Variants in B4GALT1 observed in about 807,000 individuals in gnomAD.
The protein encoded by B4GALT1 is N-acetyllactosamine synthase.
B4GALT1 carries 16 observed loss-of-function variants against 34.9 expected under a neutral mutation model. That is an observed-to-expected ratio of 0.46 (90% CI 0.31 to 0.70). The LOEUF (loss-of-function observed/expected upper bound fraction) is 0.70. B4GALT1 is among the 30% of genes least tolerant of loss of function. The probability of loss-of-function intolerance (pLI) is 0.05; values close to 1 mark genes in which losing one functional copy is unlikely to be tolerated. For missense variants in B4GALT1, 445 were observed against 530.5 expected (o/e 0.84, Z 1.58); for synonymous variants, 221 against 218.1 (o/e 1.01, Z -0.12).
At position 33,120,600 on chromosome 9, in the gene B4GALT1, C is replaced by G; in HGVS notation, c.655G>C (p.Asp219His). The change falls in exon 3 of 6, where the codon GAC (aspartate) becomes CAC (histidine). Residue 219 changes from aspartate (D) to histidine (H), a missense_variant. Asp to His is a moderately conservative substitution (Grantham distance 81, BLOSUM62 -1). Coordinates refer to ENST00000379731, the MANE Select transcript of B4GALT1 (RefSeq NM_001497.4). ...YGIYVINQAG[D>H]TIFNRAKLLN... ...AGCTTAGCACGATTGAATATAGTGT[C>G]TCCCGCCTGGTGCAGAAACAAAAAC... 3 of 1,614,180 alleles carry G rather than the reference C, an allele frequency of 1.9e-6. No individual in the cohort carries two copies. Among genetic ancestry groups the G allele is most frequent in the African/African-American group, 1.3e-5 (1 of 75,050 alleles).
chr9:33,184,553 G>A, the B4GALT1 span, among the ~76,000 whole-genome samples: 1 of 152,172 alleles, frequency 6.6e-6, no homozygotes, highest in Non-Finnish European at 1.5e-5. Context: ...AGTCTAATAG[G>A]AGAGAAAAGA....
chr9:33,120,411 T>C lies in B4GALT1; in HGVS notation c.836+8A>G. On this transcript the variant is annotated splice_region_variant and intron_variant, in intron 3 of 5. Transcript: ENST00000379731. ...GTTTACCACAGATTCTGACTGAGTA[T>C]CTCTTACCTGAATCCAAACTTATCC... is the stretch of plus-strand genomic sequence containing the variant. 2 of 1,612,544 alleles carry C rather than the reference T, an allele frequency of 1.2e-6. No individual in the cohort carries two copies. Among genetic ancestry groups the C allele is most frequent in the Non-Finnish European group, 1.7e-6 (2 of 1,179,932 alleles).
chr9:33,109,153 A>T (rs904823398), downstream of B4GALT1, among the ~76,000 whole-genome samples: 5 of 152,208 alleles, frequency 3.3e-5, no homozygotes, highest in East Asian at 9.6e-4. Context: ...GAAGGGGAAA[A>T]GGGCTGAAGG....
intron 1 of B4GALT1, among the ~76,000 whole-genome samples, chr9:33,137,099 C>T (rs1055075487): frequency 1.5e-4 from 23 of 152,166 alleles, no homozygotes; most frequent in African/African-American, 4.6e-4. Context: ...GATACAGCCC[C>T]GACCATATTA....
intron 1 of B4GALT1, among the ~76,000 whole-genome samples, chr9:33,151,893 T>C (rs13298728): frequency 6.6e-6 from 1 of 152,330 alleles, no homozygotes; most frequent in South Asian, 2.1e-4. Context: ...GCCAAGTTGG[T>C]GGCTTCTAAA....
intron 1 of B4GALT1, among the ~76,000 whole-genome samples, chr9:33,141,053 G>C (rs111444019): frequency 3.7e-4 from 57 of 152,302 alleles, no homozygotes; most frequent in African/African-American, 1.3e-3. Flanking sequence ...ACCACTCAAG[G>C]TTGGTTCTTA....
chr9:33,122,848 G>A (rs1840041149), intron 2 of B4GALT1, among the ~76,000 whole-genome samples: 1 of 152,008 alleles, frequency 6.6e-6, no homozygotes, highest in Admixed American at 6.6e-5. Flanking sequence ...TGGGTTCAAA[G>A]AAATTCAAAG....
At chr9:33,143,625 C>T (rs955515813) in intron 1 of B4GALT1, among the ~76,000 whole-genome samples, 1 of 152,244 alleles carries the variant, frequency 6.6e-6, no homozygotes, top group African/African-American at 2.4e-5. Context: ...TGCATTTTAA[C>T]AAGCACTGTA....
At chr9:33,109,133 C>T (rs150662673), downstream of B4GALT1, among the ~76,000 whole-genome samples, 287 of 152,360 alleles carry the variant, frequency 1.9e-3, 2 homozygotes, top group Non-Finnish European at 3.1e-3. Context: ...GTCCCACTCC[C>T]ATCCTTCAGG....
In B4GALT1 at chr9:33,113,515, A is replaced by C. The variant is rs776034947; in HGVS notation, c.1136T>G (p.Leu379Arg). ...ATACAATGGGTATCTCTGTACATCC[A>C]GCACCTGGTAGGTGAGTGAGTTCAA... ...DGLNSLTYQV[L>R]DVQRYPLYTQ... is the part of the protein sequence containing the mutation. Residue 379 changes from leucine (L) to arginine (R), a missense_variant, in exon 6 of 6, where the codon CTG (leucine) becomes CGG (arginine). By Grantham distance (102) the Leu-to-Arg change is moderately radical. Around this residue, in one of 3 missense-constraint regions of B4GALT1, gnomAD observed 89 missense variants for 107.6 expected, o/e 0.83. Transcript: ENST00000379731. 1.9e-6 allele frequency: 3 copies of C among 1,614,134 alleles called. No individual in the cohort carries two copies. In the African/African-American group the frequency reaches 4.0e-5, roughly 22 times the overall value.
chr9:33,133,953 T>C (rs912584217), intron 2 of B4GALT1, among the ~76,000 whole-genome samples: 2 of 152,208 alleles, frequency 1.3e-5, no homozygotes, highest in African/African-American at 4.8e-5. Context: ...GAACCTAGTT[T>C]ATATCCTGGT....
intron 2 of B4GALT1, among the ~76,000 whole-genome samples, chr9:33,132,172 A>G (rs1251089968): frequency 6.6e-6 from 1 of 152,122 alleles, no homozygotes; most frequent in Non-Finnish European, 1.5e-5. Context: ...AAGGAGGTAT[A>G]TATGTTTGAA....
intron 3 of B4GALT1, among the ~76,000 whole-genome samples, chr9:33,119,143 C>T (rs1008582528): frequency 1.3e-5 from 2 of 152,134 alleles, no homozygotes; most frequent in East Asian, 1.9e-4. Context: ...ATTACAGGCA[C>T]GAGCCACTGC....
At chr9:33,146,274 T>C (rs1488156021) in intron 1 of B4GALT1, among the ~76,000 whole-genome samples, 2 of 152,220 alleles carry the variant, frequency 1.3e-5, no homozygotes, top group East Asian at 1.9e-4. Flanking sequence ...CAGATATCAC[T>C]ACCAGGGAAA....
At chr9:33,162,673 C>T (rs1383831495) in intron 1 of B4GALT1, among the ~76,000 whole-genome samples, 2 of 152,218 alleles carry the variant, frequency 1.3e-5, no homozygotes, top group Non-Finnish European at 2.9e-5. Context: ...TGGAATGCTA[C>T]AGTTCTAAGA....
chr9:33,173,359 C>T, the B4GALT1 span, among the ~76,000 whole-genome samples: 16 of 146,916 alleles, frequency 1.1e-4, no homozygotes, highest in South Asian at 2.4e-4. Context: ...GAGCCGTGAT[C>T]GGGCCATTGC....
the B4GALT1 span, among the ~76,000 whole-genome samples, chr9:33,181,237 T>G: frequency 6.6e-6 from 1 of 151,988 alleles, no homozygotes; most frequent in Non-Finnish European, 1.5e-5. Flanking sequence ...CTGGGCAACA[T>G]AGTGAGACCT....
At chr9:33,144,181 A>C (rs1840392801) in intron 1 of B4GALT1, among the ~76,000 whole-genome samples, 1 of 148,066 alleles carries the variant, frequency 6.8e-6, no homozygotes, top group Non-Finnish European at 1.5e-5. Flanking sequence ...ACTGTGCCTG[A>C]CTAAATATCT....
upstream of B4GALT1, chr9:33,167,414 G>C: frequency 5.2e-6 from 2 of 384,692 alleles, 1 homozygote; most frequent in Middle Eastern, 1.4e-3. Context: ...GCCGGGCGCG[G>C]GGTTTTCTGG....
Sources: allele counts gnomAD v4.1 joint callset (sites outside exome capture counted in the v4.1 genomes callset), GRCh38; gene constraint gnomAD v4.1.1; regional missense constraint gnomAD v4.1.1; transcripts MANE v1.5; gene names NCBI Gene and HGNC (gene_info 2026-07-23, HGNC 2026-07-21).